GPC5: variants seen among roughly 807,000 people sequenced by gnomAD.
The protein encoded by GPC5 is glypican 5.
A neutral mutation model predicts 53.9 loss-of-function variants in GPC5; 47 were observed. The ratio of observed to expected loss-of-function variants is 0.87; its 90% confidence interval spans 0.69 to 1.11. GPC5 has a LOEUF of 1.11. GPC5 is among the 50% of genes most tolerant of loss of function. The pLI is 0.00. For missense variants in GPC5, 748 were observed against 713.1 expected, an observed-to-expected ratio of 1.05 and a Z score of -0.56; for synonymous variants, 286 against 263.3, an observed-to-expected ratio of 1.09 and a Z score of -0.84.
chr13:91,899,686 G>A (rs1437788153), intron 5 of GPC5, among the ~76,000 whole-genome samples: 1 of 152,096 alleles, frequency 6.6e-6, no homozygotes, highest in African/African-American at 2.4e-5. Flanking sequence ...TAAATCCAAT[G>A]TAAATGTCCT....
In GPC5 at chr13:91,398,960, C is replaced by T. The variant is rs964042493; in HGVS notation, c.-87C>T. ...GCTCGCACCGCTCGAGAGCCTCGGCCGCTGTGTCTTCCACGTCTGCAGCTC... is the reference window on the plus strand; with the variant it reads ...GCTCGCACCGCTCGAGAGCCTCGGCTGCTGTGTCTTCCACGTCTGCAGCTC... On this transcript the variant is annotated 5_prime_UTR_variant, in exon 1 of 8. Coordinates refer to ENST00000377067, the MANE Select transcript of GPC5 (RefSeq NM_004466.6). 23 of 1,459,286 alleles carry T rather than the reference C, an allele frequency of 1.6e-5. No individual in the cohort carries two copies. In the East Asian group the frequency reaches 5.5e-4, roughly 35 times the overall value. 90.4% of individuals were successfully genotyped at this position (1,459,286 alleles called of 1,614,324 possible).
intron 7 of GPC5, among the ~76,000 whole-genome samples, chr13:92,451,731 T>C (rs1035311548): frequency 6.6e-6 from 1 of 152,210 alleles, no homozygotes; most frequent in Non-Finnish European, 1.5e-5. Context: ...GACTTGTGTT[T>C]TCACCTATTT....
intron 6 of GPC5, among the ~76,000 whole-genome samples, chr13:92,010,272 G>A (rs902321812): frequency 1.3e-5 from 2 of 152,048 alleles, no homozygotes; most frequent in African/African-American, 4.8e-5. Context: ...CTCTCCCCCA[G>A]CCTCAAAGTA....
rs1180205992 is a variant in GPC5, at chr13:92,619,761, T to C, written c.1562-246521T>C. Among the ~76,000 whole-genome samples, 4 of 152,098 alleles carry C rather than the reference T, an allele frequency of 2.6e-5. No individual in the cohort carries two copies. In the East Asian group the frequency reaches 5.8e-4, roughly 22 times the overall value. On this transcript the variant is annotated intron_variant, in intron 7 of 7. Transcript: ENST00000377067. ...TTGGTTGGTAGTCAGGAAAGTATAT[T>C]TAAAACAAAGAAAAACAACAAGAAT...
chr13:91,685,073 T>C (rs1022965354), intron 2 of GPC5, among the ~76,000 whole-genome samples: 1 of 152,130 alleles, frequency 6.6e-6, no homozygotes, highest in Admixed American at 6.5e-5. Context: ...CTTCTCACTG[T>C]ATCTAAAATG....
intron 7 of GPC5, among the ~76,000 whole-genome samples, chr13:92,441,242 T>C (rs1877546259): frequency 6.6e-6 from 1 of 152,194 alleles, no homozygotes; most frequent in African/African-American, 2.4e-5. Flanking sequence ...CTAATTTTTG[T>C]ATTTTTAGTA....
At chr13:91,525,163 A>G (rs1886026204) in intron 2 of GPC5, among the ~76,000 whole-genome samples, 1 of 152,212 alleles carries the variant, frequency 6.6e-6, no homozygotes, top group Non-Finnish European at 1.5e-5. Context: ...TTTCACTTGG[A>G]AATAGAAAGT....
chr13:91,774,278 C>T (rs2037673381), intron 5 of GPC5, among the ~76,000 whole-genome samples: 1 of 152,298 alleles, frequency 6.6e-6, no homozygotes. Flanking sequence ...CAAATGAGCA[C>T]AAATAACTTG....
chr13:92,125,807 T>G (rs931909469), intron 6 of GPC5, among the ~76,000 whole-genome samples: 7 of 152,108 alleles, frequency 4.6e-5, no homozygotes, highest in Non-Finnish European at 1.0e-4. Flanking sequence ...ATGTGAAAAT[T>G]TATCTAATGT....
chr13:92,473,786 G>A (rs1249726906), intron 7 of GPC5, among the ~76,000 whole-genome samples: 1 of 152,052 alleles, frequency 6.6e-6, no homozygotes. Flanking sequence ...TGCATTAGAA[G>A]TATATGCTCA....
chr13:92,143,873 A>G (rs759090143), intron 6 of GPC5, among the ~76,000 whole-genome samples: 1 of 152,124 alleles, frequency 6.6e-6, no homozygotes, highest in Non-Finnish European at 1.5e-5. Flanking sequence ...CACAGAAGTA[A>G]CAACCCTAAG....
intron 7 of GPC5, among the ~76,000 whole-genome samples, chr13:92,548,581 G>A (rs1488593053): frequency 2.6e-5 from 4 of 151,886 alleles, no homozygotes; most frequent in Non-Finnish European, 5.9e-5. Context: ...ACAATATTTA[G>A]AAATAGTATG....
intron 7 of GPC5, among the ~76,000 whole-genome samples, chr13:92,200,600 G>T (rs994515457): frequency 6.6e-6 from 1 of 152,226 alleles, no homozygotes; most frequent in African/African-American, 2.4e-5. Flanking sequence ...TTTTTGACAA[G>T]GTTAAAAGCA....
intron 7 of GPC5, among the ~76,000 whole-genome samples, chr13:92,163,460 C>CAAAAAAAAAA (rs35480023): frequency 1.8e-4 from 16 of 90,354 alleles, no homozygotes; most frequent in Admixed American, 6.9e-4. Context: ...GATTCCATCT[C>CAAAAAAAAAA]AAAAAAAAAA....
chr13:92,240,448 A>G (rs761527202), intron 7 of GPC5: 4 of 152,134 alleles, frequency 2.6e-5, no homozygotes, highest in Non-Finnish European at 5.9e-5. Flanking sequence ...ACAGTTAAAG[A>G]ATCTGTTAAA....
At chr13:92,011,081 A>G (rs2040657141) in intron 6 of GPC5, among the ~76,000 whole-genome samples, 1 of 152,184 alleles carries the variant, frequency 6.6e-6, no homozygotes, top group Non-Finnish European at 1.5e-5. Context: ...CTCTTTCAAT[A>G]GATGTAAATA....
intron 7 of GPC5, among the ~76,000 whole-genome samples, chr13:92,519,343 T>C (rs1356042438): frequency 1.3e-5 from 2 of 152,048 alleles, no homozygotes; most frequent in African/African-American, 2.4e-5. Context: ...CAACACCACA[T>C]CACACCTATT....
intron 7 of GPC5, among the ~76,000 whole-genome samples, chr13:92,411,055 G>A (rs897463255): frequency 6.6e-5 from 10 of 152,020 alleles, no homozygotes; most frequent in African/African-American, 1.7e-4. Flanking sequence ...GCCATCCTAC[G>A]GTGAAACCCT....
chr13:92,436,038 A>C (rs1877291956), intron 7 of GPC5, among the ~76,000 whole-genome samples: 1 of 152,190 alleles, frequency 6.6e-6, no homozygotes, highest in South Asian at 2.1e-4. Flanking sequence ...GTAAATTAAC[A>C]TCTTACTGAC....
Sources: gnomAD v4.1 joint callset for allele counts (sites outside exome capture counted in the v4.1 genomes callset) on GRCh38, gnomAD v4.1.1 for gene constraint, MANE v1.5 for transcripts, NCBI Gene and HGNC (gene_info 2026-07-23, HGNC 2026-07-21) for gene names.